MACF1: variants seen among roughly 807,000 people sequenced by gnomAD.
The protein encoded by MACF1 is microtubule-actin cross-linking factor 1.
MACF1 carries 193 observed loss-of-function variants against 854.8 expected under a neutral mutation model. That is an observed-to-expected ratio of 0.23 (90% confidence interval 0.20 to 0.25). The LOEUF (loss-of-function observed/expected upper bound fraction) is 0.25. MACF1 is among the 10% of genes least tolerant of loss of function. The pLI, the probability that MACF1 is intolerant of heterozygous loss-of-function variation, is 1.00. For missense variants in MACF1, 7,722 were observed against 8,929.1 expected (o/e 0.86, Z 5.45); for synonymous variants, 3,185 against 3,226.7 (o/e 0.99, Z 0.44).
intron 2 of MACF1, among the ~76,000 whole-genome samples, chr1:39,145,750 G>T (rs967158794): frequency 6.6e-6 from 1 of 152,118 alleles, no homozygotes; most frequent in Non-Finnish European, 1.5e-5. Context: ...GCTATCTCTG[G>T]ATGAGTTGAC....
At chr1:39,341,412 C>T (rs1286889334) in intron 40 of MACF1, among the ~76,000 whole-genome samples, 3 of 151,434 alleles carry the variant, frequency 2.0e-5, no homozygotes, top group Non-Finnish European at 2.9e-5. Flanking sequence ...TATCATATCC[C>T]TGGCCGGCCA....
intron 40 of MACF1, among the ~76,000 whole-genome samples, chr1:39,346,230 C>T (rs1647043856): frequency 1.3e-5 from 2 of 151,634 alleles, no homozygotes; most frequent in South Asian, 2.1e-4. Flanking sequence ...GGCATGGTGG[C>T]GGGCGCCTGT....
chr1:39,466,896 ATT>A (rs1644680091), intron 95 of MACF1, among the ~76,000 whole-genome samples: 1 of 152,136 alleles, frequency 6.6e-6, no homozygotes, highest in African/African-American at 2.4e-5. Context: ...AGGATACAGT[ATT>A]TTTCAATTGC....
intron 80 of MACF1, among the ~76,000 whole-genome samples, chr1:39,446,106 A>G (rs947314260): frequency 6.6e-6 from 1 of 152,236 alleles, no homozygotes; most frequent in African/African-American, 2.4e-5. Flanking sequence ...AAATACCTTA[A>G]GACATAGTTG....
intron 2 of MACF1, among the ~76,000 whole-genome samples, chr1:39,123,722 T>TG (rs1396970125): frequency 8.8e-5 from 12 of 135,898 alleles, no homozygotes; most frequent in Non-Finnish European, 1.6e-4. Context: ...GTTTTGTTTT[T>TG]TTTTTTTTTT....
intron 49 of MACF1, among the ~76,000 whole-genome samples, chr1:39,365,887 G>A (rs1372543310): frequency 2.0e-5 from 3 of 152,026 alleles, no homozygotes; most frequent in Non-Finnish European, 2.9e-5. Flanking sequence ...TGTTGGCCAG[G>A]CTGGTCTCGA....
At chr1:39,477,135 T>TATATACACAC (rs71060314) in intron 97 of MACF1, among the ~76,000 whole-genome samples, 8 of 103,340 alleles carry the variant, frequency 7.7e-5, no homozygotes, top group Non-Finnish European at 1.2e-4. Context: ...TATATATATA[T>TATATACACAC]ACACACACAC....
At chr1:39,116,407 C>T (rs150912149) in intron 2 of MACF1, among the ~76,000 whole-genome samples, 180 of 140,510 alleles carry the variant, frequency 1.3e-3, no homozygotes, top group African/African-American at 4.5e-3. Flanking sequence ...TGTGTGTGCA[C>T]GTGTGTGTGT....
chr1:39,459,730 C>A, intron 91 of MACF1: 1 of 813,180 alleles, frequency 1.2e-6, no homozygotes, highest in Non-Finnish European at 1.8e-6. Flanking sequence ...GTGTCATTAC[C>A]CAGTATAAAA....
chr1:39,331,110 C>G, intron 36 of MACF1, 93 bp from the exon 37 acceptor site: 5 of 1,428,852 alleles, frequency 3.5e-6, no homozygotes, highest in Non-Finnish European at 4.6e-6. Context: ...CTTTGAATGA[C>G]TCCTTTCAAT....
intron 22 of MACF1, among the ~76,000 whole-genome samples, chr1:39,301,723 CGTTT>C (rs1417211490): frequency 1.3e-5 from 2 of 152,026 alleles, no homozygotes; most frequent in Non-Finnish European, 2.9e-5. Flanking sequence ...CTGCGCCCAG[CGTTT>C]GTTTGTTTTT....
chr1:39,328,654 C>G (rs950972091), intron 36 of MACF1: 14 of 152,222 alleles, frequency 9.2e-5, no homozygotes, highest in African/African-American at 3.4e-4. Flanking sequence ...TACGGCTGAG[C>G]TGCTCCATAA....
chr1:39,404,200 A>G (rs560053194), intron 58 of MACF1, among the ~76,000 whole-genome samples: 1 of 151,728 alleles, frequency 6.6e-6, no homozygotes, highest in Non-Finnish European at 1.5e-5. Flanking sequence ...AATAGAATAA[A>G]ACGGTTTTTT....
intron 52 of MACF1, among the ~76,000 whole-genome samples, chr1:39,376,471 G>A (rs963977526): frequency 1.3e-5 from 2 of 152,164 alleles, no homozygotes; most frequent in Non-Finnish European, 2.9e-5. Flanking sequence ...CCCCATGAGA[G>A]TTAACAGGAT....
In MACF1 at chr1:39,424,013, T is replaced by C; in HGVS notation, c.16150-15T>C. ...AATGATCCTGTGTTACAGCTTTTCA[T>C]TCTCTTTATAATAGTTGCTCCAGCG... On this transcript the variant is annotated splice_polypyrimidine_tract_variant and intron_variant, in intron 60 of 100. Transcript: ENST00000564288. 1 of 1,585,184 alleles carries C rather than the reference T, an allele frequency of 6.3e-7. No individual in the cohort carries two copies.
chr1:39,254,081 T>C (rs974436527), intron 4 of MACF1: 54 of 519,932 alleles, frequency 1.0e-4, no homozygotes, highest in Non-Finnish European at 1.7e-4. Context: ...GTTTGCGAGA[T>C]GCGTAGTGGT....
In MACF1 at chr1:39,403,059, TTGG is replaced by T. The variant is rs995557819; in HGVS notation, c.15816+14403_15816+14405del. ...CTCTCTTTTGTTTTTTTTGTTTGGTTTGGTTTTTTTTTTGTTTGGTTGTTTTGT... is the reference window on the plus strand; with the variant it reads ...CTCTCTTTTGTTTTTTTTGTTTGGTTTTTTTTTTTTGTTTGGTTGTTTTGT... On this transcript the variant is annotated intron_variant, in intron 58 of 100. Coordinates refer to ENST00000564288, the MANE Select transcript of MACF1 (RefSeq NM_001394062.1). 8.1e-4 allele frequency among the ~76,000 whole-genome samples: 120 copies of T among 148,736 alleles called. 1 individual carries two copies. The highest frequency in any genetic ancestry group is 3.0e-3 in the African/African-American group (118 of 39,110).
chr1:39,143,497 A>G (rs2148187176), intron 2 of MACF1, among the ~76,000 whole-genome samples: 1 of 152,284 alleles, frequency 6.6e-6, no homozygotes. Context: ...TTGTGAGGTA[A>G]GGGCTCAAGG....
chr1:39,088,521 CTGG>C (rs1641731565), intron 2 of MACF1, among the ~76,000 whole-genome samples: 1 of 152,196 alleles, frequency 6.6e-6, no homozygotes, highest in South Asian at 2.1e-4. Flanking sequence ...CCTCAGGATC[CTGG>C]TCTATAGAAC....
Sources: allele counts gnomAD v4.1 joint callset (sites outside exome capture counted in the v4.1 genomes callset), GRCh38; gene constraint gnomAD v4.1.1; transcripts MANE v1.5; gene names NCBI Gene and HGNC (gene_info 2026-07-23, HGNC 2026-07-21).